Variants in GRIP1 observed in about 807,000 individuals in gnomAD.
The protein encoded by GRIP1 is glutamate receptor interacting protein 1, also known as glutamate receptor-interacting protein 1.
GRIP1 carries 45 observed loss-of-function variants against 129.9 expected under a neutral mutation model. That is an observed-to-expected ratio of 0.35 (90% CI 0.27 to 0.44). The LOEUF (loss-of-function observed/expected upper bound fraction) is 0.44, where lower values mean the gene tolerates loss of function less well. Among genes scored for constraint, GRIP1 ranks in the 20% least tolerant of loss-of-function variants. The probability of loss-of-function intolerance (pLI) is 1.00; values close to 1 mark genes in which losing one functional copy is unlikely to be tolerated. For synonymous variants in GRIP1, 530 were observed against 520.8 expected, an observed-to-expected ratio of 1.02 and a Z score of -0.24; for missense variants, 1,196 against 1,396.8, an observed-to-expected ratio of 0.86 and a Z score of 2.29.
In GRIP1 at chr12:66,859,284, CAAAA is replaced by C. The variant is rs1566054632; in HGVS notation, c.58+209762_58+209765del. Among the ~76,000 whole-genome samples, 12 of 9,046 alleles carry C rather than the reference CAAAA, an allele frequency of 1.3e-3. 1 individual carries two copies. The highest frequency in any genetic ancestry group is 0.013 in the East Asian group (2 of 156). 5.9% of individuals were successfully genotyped at this position (9,046 alleles called of 152,430 possible). A position where few individuals can be genotyped will look rare whatever the true frequency, so the allele number is the denominator to read the frequency against. ...GAAAAAAAACAAAAAAACAAAAAAA[CAAAA>C]AAACAAAAAAACAAAAAAAAACCAG... On this transcript the variant is annotated intron_variant, in intron 1 of 1. Coordinates refer to the GRIP1 transcript ENST00000643019.
At chr12:66,831,394 A>C (rs2039514999) in intron 1 of GRIP1, among the ~76,000 whole-genome samples, 1 of 152,182 alleles carries the variant, frequency 6.6e-6, no homozygotes, top group East Asian at 1.9e-4. Context: ...AACTTCTCTC[A>C]AGAATGACAA....
intron 1 of GRIP1, among the ~76,000 whole-genome samples, chr12:67,024,251 T>C (rs1285862130): frequency 6.6e-6 from 1 of 152,208 alleles, no homozygotes; most frequent in African/African-American, 2.4e-5. Flanking sequence ...CCCAACGCAC[T>C]GCAGATTCGT....
At chr12:66,726,467 CCAA>C (rs919832497) in intron 1 of GRIP1, among the ~76,000 whole-genome samples, 4 of 152,140 alleles carry the variant, frequency 2.6e-5, no homozygotes, top group South Asian at 4.2e-4. Flanking sequence ...GGGCATAACT[CCAA>C]CAACAACAAC....
intron 1 of GRIP1, among the ~76,000 whole-genome samples, chr12:66,777,913 C>T (rs1002988373): frequency 6.6e-6 from 1 of 152,050 alleles, no homozygotes; most frequent in Admixed American, 6.5e-5. Flanking sequence ...TCCCTCCTTC[C>T]CTCCCTCTCT....
intron 1 of GRIP1, among the ~76,000 whole-genome samples, chr12:66,815,158 T>C (rs1170262602): frequency 6.6e-6 from 1 of 152,208 alleles, no homozygotes; most frequent in Non-Finnish European, 1.5e-5. Flanking sequence ...GCAATTACTA[T>C]GTAACTAGAT....
intron 1 of GRIP1, among the ~76,000 whole-genome samples, chr12:66,653,941 C>T (rs965781270): frequency 6.6e-6 from 1 of 152,080 alleles, no homozygotes; most frequent in Non-Finnish European, 1.5e-5. Flanking sequence ...CCTCAGAGAA[C>T]AGAGACTAAA....
rs549087337 is a variant in GRIP1, at chr12:66,462,725, C to T, written c.1042+199G>A. Among the ~76,000 whole-genome samples, 9 of 150,496 alleles carry T rather than the reference C, an allele frequency of 6.0e-5. No homozygotes were observed. In the East Asian group the frequency reaches 1.8e-3, roughly 29 times the overall value. On this transcript the variant is annotated intron_variant, in intron 9 of 24. Transcript: ENST00000359742. ...GCTGAGGTAGGAGAATGGCTTGAAC[C>T]CAGGAGGCAGAGGTTGGAGTCAACC...
chr12:66,371,488 G>C (rs963373832), intron 23 of GRIP1, among the ~76,000 whole-genome samples: 3 of 152,168 alleles, frequency 2.0e-5, no homozygotes, highest in African/African-American at 7.2e-5. Flanking sequence ...TAAATACATT[G>C]CTTGAAAGCT....
At chr12:66,380,448 T>C (rs2056053609) in intron 19 of GRIP1, among the ~76,000 whole-genome samples, 1 of 152,154 alleles carries the variant, frequency 6.6e-6, no homozygotes, top group Non-Finnish European at 1.5e-5. Context: ...CTGCGTTTAT[T>C]GTTTATTTGA....
At chr12:66,426,286 T>C (rs550751957) in intron 14 of GRIP1, among the ~76,000 whole-genome samples, 1 of 152,344 alleles carries the variant, frequency 6.6e-6, no homozygotes, top group East Asian at 1.9e-4. Flanking sequence ...GTTGTGTCAT[T>C]TGTACTCAAC....
intron 1 of GRIP1, among the ~76,000 whole-genome samples, chr12:66,831,197 C>G (rs1186460886): frequency 2.6e-5 from 4 of 152,076 alleles, no homozygotes; most frequent in African/African-American, 9.7e-5. Context: ...AAAGTAATAT[C>G]TGAATTTCAT....
chr12:66,983,715 A>G (rs1261884744), intron 1 of GRIP1, among the ~76,000 whole-genome samples: 2 of 152,180 alleles, frequency 1.3e-5, no homozygotes, highest in East Asian at 1.9e-4. Context: ...TTAAAGCCCA[A>G]TAAGTTAAAT....
rs916442431 is a variant in GRIP1, at chr12:66,416,086, GA to G, written c.1838+4633del. Among the ~76,000 whole-genome samples, 84 of 144,776 alleles carry G rather than the reference GA, an allele frequency of 5.8e-4. No individual in the cohort carries two copies. The South Asian group carries it at 7.9e-3, about 14-fold the overall frequency. 95.0% of individuals were successfully genotyped at this position (144,776 alleles called of 152,430 possible). On this transcript the variant is annotated intron_variant, in intron 15 of 24. Transcript: ENST00000359742. Reference sequence around the variant, plus strand: ...CCTGGAACTTAAAATAAAATTTGAAGAAAAAAAAAACACGACGAATTTTGTA... The same window carrying G: ...CCTGGAACTTAAAATAAAATTTGAAGAAAAAAAAACACGACGAATTTTGTA...
intron 1 of GRIP1, among the ~76,000 whole-genome samples, chr12:66,839,657 A>C (rs2039679532): frequency 6.6e-6 from 1 of 152,208 alleles, no homozygotes; most frequent in South Asian, 2.1e-4. Flanking sequence ...AAGGCCAAAA[A>C]AGAAAATAGG....
At chr12:66,769,275 C>T (rs991359098) in intron 1 of GRIP1, among the ~76,000 whole-genome samples, 1 of 150,548 alleles carries the variant, frequency 6.6e-6, no homozygotes, top group African/African-American at 2.4e-5. Flanking sequence ...GTTTCTTGGA[C>T]CACTGCCATC....
chr12:66,653,228 G>T (rs1197996318), intron 1 of GRIP1, among the ~76,000 whole-genome samples: 1 of 152,118 alleles, frequency 6.6e-6, no homozygotes, highest in Non-Finnish European at 1.5e-5. Flanking sequence ...TTTCCTACAA[G>T]TGTTAATATT....
intron 1 of GRIP1, among the ~76,000 whole-genome samples, chr12:66,703,269 A>C (rs1395982666): frequency 4.6e-5 from 7 of 152,206 alleles, no homozygotes; most frequent in African/African-American, 1.7e-4. Flanking sequence ...CACATGCAGC[A>C]GGGAGAGTGG....
At chr12:66,645,725 A>G (rs2032308594) in intron 1 of GRIP1, among the ~76,000 whole-genome samples, 1 of 152,234 alleles carries the variant, frequency 6.6e-6, no homozygotes. Flanking sequence ...CAAGAAAAAA[A>G]TCTTTTAGAG....
At chr12:67,002,965 T>G (rs1464084413) in intron 1 of GRIP1, among the ~76,000 whole-genome samples, 1 of 152,208 alleles carries the variant, frequency 6.6e-6, no homozygotes, top group African/African-American at 2.4e-5. Flanking sequence ...CCTGGCTTTA[T>G]GCCTCCTGTT....
Sources: allele counts gnomAD v4.1 joint callset (sites outside exome capture counted in the v4.1 genomes callset), GRCh38; gene constraint gnomAD v4.1.1; transcripts MANE v1.5; gene names NCBI Gene and HGNC (gene_info 2026-07-23, HGNC 2026-07-21).